The following TGFBR1 variants were observed in gnomAD, a reference collection of about 807,000 sequenced individuals.
TGFBR1 encodes transforming growth factor beta receptor 1.
In TGFBR1, 20 loss-of-function variants were observed where a neutral mutation model predicts 55.1. That is an observed-to-expected ratio of 0.36 (90% CI 0.26 to 0.53). The LOEUF is 0.53. Among genes scored for constraint, TGFBR1 ranks in the 20% least tolerant of loss-of-function variants. The probability of loss-of-function intolerance (pLI) is 0.91; values close to 1 mark genes in which losing one functional copy is unlikely to be tolerated. For missense variants in TGFBR1, 385 were observed against 617.6 expected (o/e 0.62, Z 3.99); for synonymous variants, 220 against 214.8 (o/e 1.02, Z -0.21).
rs200023650 is a variant in TGFBR1 at position 99,108,411 on chromosome 9, G to C, written c.97+3109G>C. On this transcript the variant is annotated intron_variant, in intron 1 of 8. Transcript: ENST00000374994. ...ATGTTCAATAAGCAGTTCCCACTGGGCCATGTGTGTTTTGGTTAAACATCC... is the reference window on the plus strand; with the variant it reads ...ATGTTCAATAAGCAGTTCCCACTGGCCCATGTGTGTTTTGGTTAAACATCC... Among the ~76,000 whole-genome samples the C allele has an allele frequency of 3.7e-3, 565 of 152,328 alleles. 1 individual carries two copies. Among genetic ancestry groups the C allele is most frequent in the Middle Eastern group, 6.8e-3 (2 of 294 alleles).
chr9:99,110,208 C>T (rs1826523244), intron 1 of TGFBR1, among the ~76,000 whole-genome samples: 1 of 152,080 alleles, frequency 6.6e-6, no homozygotes, highest in Non-Finnish European at 1.5e-5. Context: ...TATAAAGCTG[C>T]TCCCTCAAAG....
chr9:99,128,694 T>G (rs771079369), intron 1 of TGFBR1, 161 bp from the exon 2 acceptor site: 23 of 954,540 alleles, frequency 2.4e-5, no homozygotes, highest in Non-Finnish European at 3.4e-5. Flanking sequence ...AATTTGAAAC[T>G]TCTAAGAGCA....
intron 1 of TGFBR1, among the ~76,000 whole-genome samples, chr9:99,117,015 A>G (rs573310406): frequency 1.1e-4 from 17 of 152,322 alleles, no homozygotes; most frequent in East Asian, 7.7e-4. Flanking sequence ...GCTTGGTTCA[A>G]TTCAGCTGTG....
chr9:99,121,515 G>A (rs1030604900), intron 1 of TGFBR1, among the ~76,000 whole-genome samples: 2 of 152,158 alleles, frequency 1.3e-5, no homozygotes, highest in Non-Finnish European at 2.9e-5. Flanking sequence ...AAGGGGTAAG[G>A]CAGATTACTC....
chr9:99,132,365 C>T, intron 2 of TGFBR1, 144 bp from the exon 3 acceptor site: 1 of 1,402,778 alleles, frequency 7.1e-7, no homozygotes. Context: ...GGTTTGAGCC[C>T]TGTAAACTGC....
At chr9:99,109,703 T>G (rs1375422511) in intron 1 of TGFBR1, among the ~76,000 whole-genome samples, 1 of 152,238 alleles carries the variant, frequency 6.6e-6, no homozygotes, top group Non-Finnish European at 1.5e-5. Context: ...TCCTTGGTCA[T>G]GGCTTACGTA....
At chr9:99,106,479 C>T (rs1826417690) in intron 1 of TGFBR1, among the ~76,000 whole-genome samples, 1 of 152,052 alleles carries the variant, frequency 6.6e-6, no homozygotes, top group Admixed American at 6.5e-5. Flanking sequence ...ATAATCAGTC[C>T]TAATAGCTAC....
Position 99,143,899 on chromosome 9 carries a change from C to T in TGFBR1, c.974-833C>T, listed in dbSNP as rs11267073. Among the ~76,000 whole-genome samples, 967 of 152,254 alleles carry T rather than the reference C, an allele frequency of 6.4e-3. 9 individuals carry two copies. Among genetic ancestry groups the T allele is most frequent in the African/African-American group, 0.022 (925 of 41,538 alleles). ...GCACATTTTATATAAATGAATCATA[C>T]AATATGTGGTCTTTTGTGACTGGCT... On this transcript the variant is annotated intron_variant, in intron 5 of 8. Transcript: ENST00000374994.
chr9:99,148,789 G>A (rs2118850095), intron 8 of TGFBR1, among the ~76,000 whole-genome samples: 1 of 151,594 alleles, frequency 6.6e-6, no homozygotes, highest in East Asian at 1.9e-4. Flanking sequence ...CTGAGGGCAT[G>A]CCATTGCATT....
At chr9:99,119,412 C>A (rs1009105555) in intron 1 of TGFBR1, among the ~76,000 whole-genome samples, 1 of 152,170 alleles carries the variant, frequency 6.6e-6, no homozygotes, top group Admixed American at 6.5e-5. Context: ...TCGTGCTTTC[C>A]AAAGGGAAAG....
At chr9:99,104,357 T>C (rs1826337944), upstream of TGFBR1, among the ~76,000 whole-genome samples, 1 of 152,006 alleles carries the variant, frequency 6.6e-6, no homozygotes, top group Non-Finnish European at 1.5e-5. Context: ...GCGGCTTGGA[T>C]CCCCATCCTG....
intron 1 of TGFBR1, among the ~76,000 whole-genome samples, chr9:99,123,549 A>G (rs1564141381): frequency 6.6e-6 from 1 of 152,076 alleles, no homozygotes. Context: ...CGTAGGTTTC[A>G]CTCGTGGGCT....
chr9:99,105,379 C>G, intron 1 of TGFBR1, 77 bp downstream of exon 1: 4 of 971,796 alleles, frequency 4.1e-6, no homozygotes, highest in East Asian at 1.2e-4. Context: ...CCTGCTCTTT[C>G]TCAAACATGG....
At chr9:99,146,638 T>C in intron 7 of TGFBR1, 29 bp downstream of exon 7, 1 of 1,613,716 alleles carries the variant, frequency 6.2e-7, no homozygotes, top group South Asian at 1.1e-5. Context: ...CCCCAGTAGT[T>C]TGTCATGAGC....
intron 1 of TGFBR1, among the ~76,000 whole-genome samples, chr9:99,120,855 G>A (rs975448350): frequency 3.3e-5 from 5 of 152,156 alleles, no homozygotes; most frequent in African/African-American, 7.2e-5. Flanking sequence ...TGCTGTACTT[G>A]TGTGATTTAT....
At chr9:99,147,858 C>A in intron 8 of TGFBR1, 74 bp downstream of exon 8, 1 of 1,571,220 alleles carries the variant, frequency 6.4e-7, no homozygotes, top group Non-Finnish European at 8.7e-7. Flanking sequence ...TGCTACTTTT[C>A]TTTAAGGAAA....
chr9:99,134,776 G>A (rs1827366804), intron 3 of TGFBR1, among the ~76,000 whole-genome samples: 2 of 123,266 alleles, frequency 1.6e-5, no homozygotes, highest in Non-Finnish European at 1.7e-5. Context: ...ATAAACATGA[G>A]AAACAATGGA....
In TGFBR1 at chr9:99,124,859, G is replaced by A. The variant is rs115577312; in HGVS notation, c.98-3996G>A. 6.4e-3 allele frequency among the ~76,000 whole-genome samples: 966 copies of A among 152,064 alleles called. 8 individuals are homozygous for A. The highest frequency in any genetic ancestry group is 0.022 in the African/African-American group (922 of 41,474). On this transcript the variant is annotated intron_variant, in intron 1 of 8. Coordinates refer to ENST00000374994, the MANE Select transcript of TGFBR1 (RefSeq NM_004612.4). ...TAGTACTGACTTTTTCAAATTTACC[G>A]TAATGTAATGACCTCTTTGAAAGGA...
At chr9:99,137,236 A>G (rs1402984300) in intron 3 of TGFBR1, among the ~76,000 whole-genome samples, 1 of 152,326 alleles carries the variant, frequency 6.6e-6, no homozygotes, top group East Asian at 1.9e-4. Flanking sequence ...TTACTGACTT[A>G]TCAAAAAGCC....
Sources: gnomAD v4.1 joint callset for allele counts (sites outside exome capture counted in the v4.1 genomes callset) on GRCh38, gnomAD v4.1.1 for gene constraint, MANE v1.5 for transcripts, NCBI Gene and HGNC (gene_info 2026-07-23, HGNC 2026-07-21) for gene names.